RFX1: variants seen among roughly 807,000 people sequenced by gnomAD.
RFX1 encodes the protein MHC class II regulatory factor RFX1.
In RFX1, 42 loss-of-function variants were observed where a neutral mutation model predicts 119.6. The observed-to-expected ratio is 0.35, with a 90% CI of 0.27 to 0.45. The LOEUF is 0.45. Ranked by LOEUF, RFX1 falls within the 20% of genes least tolerant of loss-of-function variation. The pLI, the probability that RFX1 is intolerant of heterozygous loss-of-function variation, is 1.00. For missense variants in RFX1, 1,118 were observed against 1,368.1 expected (o/e 0.82, Z 2.88); for synonymous variants, 628 against 618.5 (o/e 1.02, Z -0.23).
At chr19:14,000,820 C>G (rs773041406) in intron 1 of RFX1, among the ~76,000 whole-genome samples, 11 of 152,154 alleles carry the variant, frequency 7.2e-5, no homozygotes, top group Non-Finnish European at 1.2e-4. Flanking sequence ...CCTGGACAGG[C>G]ATGGCGGCTC....
In RFX1 at chr19:13,962,692, G is replaced by A. The variant is rs1433769463; in HGVS notation, c.*3C>T. On this transcript the variant is annotated 3_prime_UTR_variant, in exon 21 of 21. Coordinates refer to ENST00000254325, the MANE Select transcript of RFX1 (RefSeq NM_002918.5). Reference sequence around the variant, plus strand: ...GGGCGGGTGGGGCGGGGAGGCCAAGGGCTTAGCTGGAGGGCAGCGCCTGCA... The same window carrying A: ...GGGCGGGTGGGGCGGGGAGGCCAAGAGCTTAGCTGGAGGGCAGCGCCTGCA... 1 of 1,524,758 alleles carries A rather than the reference G, an allele frequency of 6.6e-7. No homozygotes were observed. The allele number at this position is 1,524,758 out of a possible 1,614,324, so 94.5% of individuals were successfully genotyped here.
chr19:13,962,913 C>A (rs906260704), intron 20 of RFX1, 49 bp from the exon 21 acceptor site: 1 of 1,542,286 alleles, frequency 6.5e-7, no homozygotes, highest in African/African-American at 1.4e-5. Flanking sequence ...GCAACGCCCC[C>A]GGGCTCCTCC....
At position 13,982,208 on chromosome 19, in the gene RFX1, C is replaced by T; in HGVS notation, c.534G>A (p.Leu178=). Residue 178 remains leucine, a synonymous_variant, in exon 5 of 21, where the codon CTG becomes CTA. Coordinates refer to ENST00000254325, the MANE Select transcript of RFX1 (RefSeq NM_002918.5). ...VPQQALPTQR[L]VVQSAAPGSK... Reference sequence around the variant, plus strand: ...TGCCTGGGGCTGCGCTCTGCACCACCAGACGCTGCGTGGGAAGAGCCTGGG... The same window carrying T: ...TGCCTGGGGCTGCGCTCTGCACCACTAGACGCTGCGTGGGAAGAGCCTGGG... 7.6e-7 allele frequency: 1 copy of T among 1,308,708 alleles called. No individual in the cohort carries two copies. The highest frequency in any genetic ancestry group is 2.0e-4 in the Middle Eastern group (1 of 4,896). The allele number at this position is 1,308,708 out of a possible 1,614,324, so 81.1% of individuals were successfully genotyped here. A position where few individuals can be genotyped will look rare whatever the true frequency, so the allele number is the denominator to read the frequency against.
Position 13,965,793 on chromosome 19 carries a change from C to A in RFX1, c.1962-16G>T, listed in dbSNP as rs749338413. ...CTCGTCATGTCTGCGGGCACCCACC[C>A]CACCCCGGGTCACTGGGGTACTCTA... On this transcript the variant is annotated splice_polypyrimidine_tract_variant and intron_variant, in intron 14 of 20. Transcript: ENST00000254325. The surrounding 1 kb of genome is among the most constrained non-coding windows in gnomAD (Gnocchi z 4.7). 1.2e-6 allele frequency: 2 copies of A among 1,612,422 alleles called. No individual in the cohort carries two copies. The highest frequency in any genetic ancestry group is 1.1e-5 in the South Asian group (1 of 90,966).
In RFX1 at chr19:13,963,390, C is replaced by T. The variant is rs993990571; in HGVS notation, c.2571-115G>A. On this transcript the variant is annotated intron_variant, in intron 18 of 20. Transcript: ENST00000254325. ...CCAGCCCAGTGACTCAGGCTGGATCCCGCACAGCCTTCCCGGCACATGAGC... is the reference window on the plus strand; with the variant it reads ...CCAGCCCAGTGACTCAGGCTGGATCTCGCACAGCCTTCCCGGCACATGAGC... 5 of 1,441,302 alleles carry T rather than the reference C, an allele frequency of 3.5e-6. No individual in the cohort carries two copies. The African/African-American group carries it at 5.6e-5, about 16-fold the overall frequency. 89.3% of individuals were successfully genotyped at this position (1,441,302 alleles called of 1,614,324 possible).
rs1424207005 is a variant in RFX1, at chr19:13,978,070, T to G, written c.851A>C (p.Gln284Pro). 3 of 1,613,032 alleles carry G rather than the reference T, an allele frequency of 1.9e-6. No homozygotes were observed. The highest frequency in any genetic ancestry group is 2.5e-6 in the Non-Finnish European group (3 of 1,179,638). ...GGAGTACACGTGTGGGACGGGCACC[T>G]GCTGGAGCTGCTGCACCTGGGGCAG... Reference protein sequence around the residue: ...HVAQEVQQLQQVPVPHVYSSQ... With the variant: ...HVAQEVQQLQPVPVPHVYSSQ... The change falls in exon 8 of 21, where the codon CAG (glutamine) becomes CCG (proline). Residue 284 changes from glutamine (Q) to proline (P), a missense_variant. This residue lies in a region of RFX1 where 542 missense variants were observed against 602.7 expected (regional missense o/e 0.90). Transcript: ENST00000254325.
At chr19:14,005,229 A>AAGC (rs1423490848) in intron 1 of RFX1, among the ~76,000 whole-genome samples, 1 of 152,058 alleles carries the variant, frequency 6.6e-6, no homozygotes, top group Non-Finnish European at 1.5e-5. Flanking sequence ...TGTTCCTCTA[A>AAGC]AGCATTCCCT....
At position 13,980,539 on chromosome 19, in the gene RFX1, CT is replaced by C. The variant is rs1974395163; in HGVS notation, c.738+33del. ...TGCAGAGGCTGCCTGGCCGGTACCC[CT>C]GGACCGAGCCACTGCCCGCCTTGGC... On this transcript the variant is annotated intron_variant, in intron 6 of 20. Transcript: ENST00000254325. This position sits in a 1 kb window ranked among gnomAD's most constrained non-coding sequence, Gnocchi z 5.1. 1 of 1,402,282 alleles carries C rather than the reference CT, an allele frequency of 7.1e-7. No homozygotes were observed. Among genetic ancestry groups the C allele is most frequent in the Non-Finnish European group, 9.8e-7 (1 of 1,024,888 alleles). 86.9% of individuals were successfully genotyped at this position (1,402,282 alleles called of 1,614,324 possible).
At chr19:13,971,117 TG>T (rs895698277) in intron 9 of RFX1, among the ~76,000 whole-genome samples, 3 of 151,820 alleles carry the variant, frequency 2.0e-5, no homozygotes, top group African/African-American at 7.3e-5. Flanking sequence ...GCGGATCACC[TG>T]AAGTCAGAAG....
Position 13,980,848 on chromosome 19 carries a change from C to T in RFX1, c.622-159G>A, listed in dbSNP as rs1362608116. On this transcript the variant is annotated intron_variant, in intron 5 of 20. Coordinates refer to ENST00000254325, the MANE Select transcript of RFX1 (RefSeq NM_002918.5). The surrounding 1 kb of genome is among the most constrained non-coding windows in gnomAD (Gnocchi z 5.1). ...GAGGCTGGTAACTGACCGCGTCCCA[C>T]GCATCCAAATGCCTACTCCCTGCAA... is the stretch of plus-strand genomic sequence containing the variant. Among the ~76,000 whole-genome samples, 2 of 151,982 alleles carry T rather than the reference C, an allele frequency of 1.3e-5. No homozygotes were observed. Among genetic ancestry groups the T allele is most frequent in the South Asian group, 2.1e-4 (1 of 4,822 alleles).
At chr19:13,967,137 G>A (rs747761519) in intron 12 of RFX1, among the ~76,000 whole-genome samples, 1 of 152,134 alleles carries the variant, frequency 6.6e-6, no homozygotes, top group Non-Finnish European at 1.5e-5. Flanking sequence ...GCTAGCCATG[G>A]ACAGTCGCCC....
intron 12 of RFX1, among the ~76,000 whole-genome samples, chr19:13,967,067 C>T (rs2145542391): frequency 6.6e-6 from 1 of 152,324 alleles, no homozygotes; most frequent in South Asian, 2.1e-4. Context: ...AATGGGTAGG[C>T]ACCCAGGGCA....
rs1974395772 is a variant in RFX1 at position 13,980,557 on chromosome 19, C to T, written c.738+16G>A. On this transcript the variant is annotated intron_variant, in intron 6 of 20. Transcript: ENST00000254325. This position sits in a 1 kb window ranked among gnomAD's most constrained non-coding sequence, Gnocchi z 5.1. The stretch of plus-strand genomic sequence containing the variant: ...GGTACCCCTGGACCGAGCCACTGCC[C>T]GCCTTGGCCTGGCACCTCTTGGGTG... 4 of 1,515,880 alleles carry T rather than the reference C, an allele frequency of 2.6e-6. No homozygotes were observed. The highest frequency in any genetic ancestry group is 2.4e-5 in the East Asian group (1 of 42,022). 93.9% of individuals were successfully genotyped at this position (1,515,880 alleles called of 1,614,324 possible).
In RFX1 at chr19:13,965,442, C is replaced by A. The variant is rs1162385034; in HGVS notation, c.2211+7G>T. ...GATAGGAGAAAGGGACCCCCTCACA[C>A]TCTCACCTTCACCCGCAGCATCTCC... On this transcript the variant is annotated splice_region_variant and intron_variant, in intron 16 of 20. Coordinates refer to ENST00000254325, the MANE Select transcript of RFX1 (RefSeq NM_002918.5). This position sits in a 1 kb window ranked among gnomAD's most constrained non-coding sequence, Gnocchi z 4.7. 16 of 1,612,702 alleles carry A rather than the reference C, an allele frequency of 9.9e-6. No individual in the cohort carries two copies. Among genetic ancestry groups the A allele is most frequent in the Non-Finnish European group, 1.3e-5 (15 of 1,179,042 alleles).
At chr19:13,999,311 A>T (rs1599523314) in intron 1 of RFX1, among the ~76,000 whole-genome samples, 1 of 152,322 alleles carries the variant, frequency 6.6e-6, no homozygotes, top group African/African-American at 2.4e-5. Flanking sequence ...ACCTACCTTC[A>T]AAGCCAGCAG....
intron 8 of RFX1, among the ~76,000 whole-genome samples, chr19:13,973,761 G>T (rs1295544489): frequency 1.3e-5 from 2 of 152,230 alleles, no homozygotes; most frequent in East Asian, 3.9e-4. Flanking sequence ...CTCCCAAGGA[G>T]CTGGGAATAC....
At chr19:14,000,631 T>C (rs1226460430) in intron 1 of RFX1, among the ~76,000 whole-genome samples, 1 of 151,738 alleles carries the variant, frequency 6.6e-6, no homozygotes, top group Non-Finnish European at 1.5e-5. Flanking sequence ...GCCTTATCTC[T>C]ATAAAAAAGT....
At position 13,986,904 on chromosome 19, in the gene RFX1, A is replaced by G. The variant is rs1361559509; in HGVS notation, c.320-3309T>C. Among the ~76,000 whole-genome samples the G allele has an allele frequency of 1.3e-5, 2 of 151,706 alleles. No homozygotes were observed. The highest frequency in any genetic ancestry group is 3.9e-4 in the East Asian group (2 of 5,152). ...CCCCATAGACAGATGGGGCCACCTG[A>G]CCCTCTGCCTCCTGCCCCTGGGCTC... On this transcript the variant is annotated intron_variant, in intron 2 of 20. Transcript: ENST00000254325. The surrounding 1 kb of genome is among the most constrained non-coding windows in gnomAD (Gnocchi z 4.2).
chr19:14,001,064 A>G (rs1975200831), intron 1 of RFX1, among the ~76,000 whole-genome samples: 1 of 152,136 alleles, frequency 6.6e-6, no homozygotes, highest in Admixed American at 6.6e-5. Flanking sequence ...AACAAAAAAA[A>G]CAAAAAACAA....
Sources: allele counts gnomAD v4.1 joint callset (sites outside exome capture counted in the v4.1 genomes callset), GRCh38; gene constraint gnomAD v4.1.1; regional missense constraint gnomAD v4.1.1; non-coding constraint Gnocchi (gnomAD v3.1); transcripts MANE v1.5; gene names NCBI Gene and HGNC (gene_info 2026-07-23, HGNC 2026-07-21).